Variants in ITM2B observed in about 807,000 individuals in gnomAD.
ITM2B encodes the protein ABri/ADan amyloid peptide.
ITM2B carries 11 observed loss-of-function variants against 27.8 expected under a neutral mutation model. The ratio of observed to expected loss-of-function variants is 0.40; its 90% CI spans 0.25 to 0.66. The LOEUF is 0.66. Ranked by LOEUF, ITM2B falls within the 30% of genes least tolerant of loss-of-function variation. ITM2B has a pLI of 0.43. For missense variants in ITM2B, 296 were observed against 328.9 expected (o/e 0.90, Z 0.77); for synonymous variants, 114 against 114.3 (o/e 1.00, Z 0.02).
At chr13:48,242,853 T>C (rs1328250587) in intron 1 of ITM2B, among the ~76,000 whole-genome samples, 2 of 152,310 alleles carry the variant, frequency 1.3e-5, no homozygotes, top group East Asian at 3.9e-4. Context: ...ACTTGTCTGC[T>C]GTCATTCATT....
In ITM2B at chr13:48,233,316, G is replaced by T. The variant is rs765109304; in HGVS notation, c.-45G>T. The T allele has an allele frequency of 3.1e-6, 4 of 1,299,406 alleles. No individual in the cohort carries two copies. The highest frequency in any genetic ancestry group is 2.9e-5 in the East Asian group (1 of 34,330). The allele number at this position is 1,299,406 out of a possible 1,614,324, so 80.5% of individuals were successfully genotyped here. A position where few individuals can be genotyped will look rare whatever the true frequency, so the allele number is the denominator to read the frequency against. ...TCGCAGCCGGGAGCCCGCAGCCCGC[G>T]CCCCGAGCCCGCCGCCGCCCTTCGA... On this transcript the variant is annotated 5_prime_UTR_variant, in exon 1 of 6. Coordinates refer to ENST00000647800, the MANE Select transcript of ITM2B (RefSeq NM_021999.5).
At chr13:48,237,432 T>TGTAGCATATTGGGTGTGCAAG (rs1398330215) in intron 1 of ITM2B, among the ~76,000 whole-genome samples, 2 of 152,208 alleles carry the variant, frequency 1.3e-5, no homozygotes, top group Non-Finnish European at 2.9e-5. Flanking sequence ...AGGACACTGC[T>TGTAGCATATTGGGTGTGCAAG]GTAGCATATT....
chr13:48,256,283 A>C lies in ITM2B; in HGVS notation c.353A>C (p.Asn118Thr), dbSNP rs1329945853. 1.2e-6 allele frequency: 2 copies of C among 1,613,862 alleles called. No homozygotes were observed. The highest frequency in any genetic ancestry group is 1.7e-6 in the Non-Finnish European group (2 of 1,179,838). The stretch of plus-strand genomic sequence containing the variant: ...GCTCTCTACCAGACAATTGAAGAAA[A>C]TATTAAAATCTTTGAAGAAGAAGAA... Reference protein sequence around the residue: ...PAALYQTIEENIKIFEEEEVE... With the variant: ...PAALYQTIEETIKIFEEEEVE... Residue 118 changes from asparagine to threonine, a missense_variant, in exon 3 of 6, where the codon AAT (asparagine) becomes ACT (threonine). Physicochemically the swap from Asn to Thr is moderately conservative, Grantham distance 65. Coordinates refer to ENST00000647800, the MANE Select transcript of ITM2B (RefSeq NM_021999.5).
intron 1 of ITM2B, among the ~76,000 whole-genome samples, chr13:48,252,659 G>T (rs1029722011): frequency 6.6e-6 from 1 of 152,180 alleles, no homozygotes; most frequent in Admixed American, 6.5e-5. Flanking sequence ...TCCTGTTTTT[G>T]TGCATCATTC....
intron 1 of ITM2B, among the ~76,000 whole-genome samples, chr13:48,248,570 A>G (rs947195488): frequency 6.6e-6 from 1 of 152,148 alleles, no homozygotes; most frequent in Non-Finnish European, 1.5e-5. Flanking sequence ...CAGGATTTAT[A>G]CCTAGGAATG....
At chr13:48,259,181 A>C (rs1951807799) in intron 5 of ITM2B, among the ~76,000 whole-genome samples, 1 of 152,168 alleles carries the variant, frequency 6.6e-6, no homozygotes, top group South Asian at 2.1e-4. Context: ...AGATGATGGT[A>C]CCTCATTTTC....
chr13:48,233,990 C>A (rs896533552), intron 1 of ITM2B, among the ~76,000 whole-genome samples: 2 of 152,158 alleles, frequency 1.3e-5, no homozygotes, highest in Non-Finnish European at 2.9e-5. Flanking sequence ...AAAAGCGTTT[C>A]TTTACCTCCT....
At chr13:48,238,910 T>C (rs1472635488) in intron 1 of ITM2B, among the ~76,000 whole-genome samples, 1 of 152,172 alleles carries the variant, frequency 6.6e-6, no homozygotes, top group East Asian at 1.9e-4. Flanking sequence ...AAGATGCAAA[T>C]TATTTTTAAA....
At chr13:48,251,698 G>T (rs1951757089) in intron 1 of ITM2B, among the ~76,000 whole-genome samples, 2 of 152,140 alleles carry the variant, frequency 1.3e-5, no homozygotes, top group Admixed American at 1.3e-4. Flanking sequence ...GGGTGGGTGT[G>T]TGCGCACATT....
chr13:48,259,772 C>G (rs1951811288), intron 5 of ITM2B, among the ~76,000 whole-genome samples: 1 of 147,048 alleles, frequency 6.8e-6, no homozygotes, highest in African/African-American at 2.5e-5. Context: ...GGTATATTAT[C>G]TGATGTGAGG....
chr13:48,235,985 T>C (rs1169489040), intron 1 of ITM2B, among the ~76,000 whole-genome samples: 1 of 152,232 alleles, frequency 6.6e-6, no homozygotes, highest in East Asian at 1.9e-4. Flanking sequence ...CCAGTACTTT[T>C]ACATTGCTCC....
At chr13:48,233,721 G>C (rs1057486424) in intron 1 of ITM2B, among the ~76,000 whole-genome samples, 1 of 152,100 alleles carries the variant, frequency 6.6e-6, no homozygotes, top group African/African-American at 2.4e-5. Flanking sequence ...GGGAACGATT[G>C]GCTAATTGTG....
Position 48,235,947 on chromosome 13 carries a change from T to C in ITM2B, c.117+2470T>C, listed in dbSNP as rs114132907. Among the ~76,000 whole-genome samples the C allele has an allele frequency of 4.4e-3, 668 of 152,356 alleles. 5 individuals carry two copies. The highest frequency in any genetic ancestry group is 0.015 in the African/African-American group (627 of 41,590). On this transcript the variant is annotated intron_variant, in intron 1 of 5. Coordinates refer to ENST00000647800, the MANE Select transcript of ITM2B (RefSeq NM_021999.5). ...TATGCCACAAGAATTCTGATCACTC[T>C]AATCAGCTGGCTTATATAACATGCA...
chr13:48,248,015 C>T (rs151220381), intron 1 of ITM2B, among the ~76,000 whole-genome samples: 246 of 152,086 alleles, frequency 1.6e-3, no homozygotes, highest in African/African-American at 5.3e-3. Flanking sequence ...GGAAACGTCT[C>T]GGTGACTTGT....
chr13:48,248,646 A>G (rs532576231), intron 1 of ITM2B, among the ~76,000 whole-genome samples: 17 of 152,336 alleles, frequency 1.1e-4, no homozygotes, highest in South Asian at 4.1e-4. Flanking sequence ...CCTGGGCCAC[A>G]TTGGAAGAAG....
chr13:48,238,673 GATACTAAGT>G (rs1325434810), intron 1 of ITM2B, among the ~76,000 whole-genome samples: 1 of 152,164 alleles, frequency 6.6e-6, no homozygotes, highest in Non-Finnish European at 1.5e-5. Flanking sequence ...TTGGGAAAGT[GATACTAAGT>G]ATGGTGGTGG....
chr13:48,253,712 T>G, intron 1 of ITM2B, 96 bp from the exon 2 acceptor site: 1 of 1,270,024 alleles, frequency 7.9e-7, no homozygotes, highest in Non-Finnish European at 1.1e-6. Context: ...TGTGTCTTCA[T>G]TTATTAAAAT....
chr13:48,253,363 G>T (rs1171429109), intron 1 of ITM2B, among the ~76,000 whole-genome samples: 1 of 152,086 alleles, frequency 6.6e-6, no homozygotes, highest in Non-Finnish European at 1.5e-5. Flanking sequence ...ACCACCTGTA[G>T]CAGGCCTAAC....
intron 1 of ITM2B, among the ~76,000 whole-genome samples, chr13:48,246,220 G>T (rs1053248172): frequency 2.6e-5 from 4 of 152,136 alleles, no homozygotes; most frequent in African/African-American, 9.7e-5. Flanking sequence ...ATCTAATATT[G>T]ACAGAAGGTC....
Sources: gnomAD v4.1 joint callset for allele counts (sites outside exome capture counted in the v4.1 genomes callset) on GRCh38, gnomAD v4.1.1 for gene constraint, MANE v1.5 for transcripts, NCBI Gene and HGNC (gene_info 2026-07-23, HGNC 2026-07-21) for gene names.